NKAIN3: variants seen among roughly 807,000 people sequenced by gnomAD.
NKAIN3 encodes sodium/potassium transporting ATPase interacting 3, also known as sodium/potassium-transporting ATPase subunit beta-1-interacting protein 3.
NKAIN3 carries 25 observed loss-of-function variants against 30.2 expected under a neutral mutation model. The ratio of observed to expected loss-of-function variants is 0.83; its 90% confidence interval spans 0.60 to 1.16. NKAIN3 has a LOEUF of 1.16. Ranked by LOEUF, NKAIN3 falls within the 50% of genes most tolerant of loss-of-function variation. NKAIN3 has a pLI of 0.00. For synonymous variants in NKAIN3, 91 were observed against 89.6 expected, an observed-to-expected ratio of 1.02 and a Z score of -0.09; for missense variants, 225 against 254.1, an observed-to-expected ratio of 0.89 and a Z score of 0.78.
At chr8:62,763,344 G>A (rs1440534911) in intron 4 of NKAIN3, among the ~76,000 whole-genome samples, 1 of 151,046 alleles carries the variant, frequency 6.6e-6, no homozygotes, top group Non-Finnish European at 1.5e-5. Context: ...CTACTCCAGT[G>A]GTTCGGAATT....
chr8:62,481,816 G>T (rs1349299677), intron 1 of NKAIN3, among the ~76,000 whole-genome samples: 1 of 152,154 alleles, frequency 6.6e-6, no homozygotes, highest in Non-Finnish European at 1.5e-5. Context: ...TCCTATATTG[G>T]ATAGAAAATT....
At chr8:62,513,786 G>A (rs750031937) in intron 1 of NKAIN3, among the ~76,000 whole-genome samples, 1 of 133,994 alleles carries the variant, frequency 7.5e-6, no homozygotes, top group East Asian at 2.5e-4. Flanking sequence ...TGGGAGTATC[G>A]TTTGACCCCA....
At chr8:62,270,073 A>T (rs1368955003) in intron 1 of NKAIN3, among the ~76,000 whole-genome samples, 1 of 151,628 alleles carries the variant, frequency 6.6e-6, no homozygotes, top group African/African-American at 2.4e-5. Context: ...TTTGTAACTC[A>T]GATCACAGAG....
chr8:62,678,572 T>G (rs1813551310), intron 3 of NKAIN3, among the ~76,000 whole-genome samples: 4 of 151,972 alleles, frequency 2.6e-5, no homozygotes, highest in Admixed American at 2.6e-4. Context: ...GTCACCAAGA[T>G]GAATATTTTA....
chr8:62,665,939 G>A (rs1291307206), intron 3 of NKAIN3, among the ~76,000 whole-genome samples: 1 of 152,146 alleles, frequency 6.6e-6, no homozygotes, highest in East Asian at 1.9e-4. Flanking sequence ...AATTCGGCTG[G>A]GCACAATGGT....
At chr8:62,818,531 T>C (rs1818756921) in intron 4 of NKAIN3, among the ~76,000 whole-genome samples, 1 of 151,912 alleles carries the variant, frequency 6.6e-6, no homozygotes, top group Non-Finnish European at 1.5e-5. Flanking sequence ...TTTCCCAGTG[T>C]GATCTACCTT....
At chr8:62,855,319 C>A in intron 4 of NKAIN3, 1 of 573,718 alleles carries the variant, frequency 1.7e-6, no homozygotes. Context: ...CCTGGAAGTG[C>A]TCAGAGAGAA....
intron 3 of NKAIN3, among the ~76,000 whole-genome samples, chr8:62,729,278 G>C (rs1454051394): frequency 6.6e-6 from 1 of 152,110 alleles, no homozygotes; most frequent in African/African-American, 2.4e-5. Flanking sequence ...TATGCTCCAC[G>C]TAACAGTTCA....
chr8:62,291,174 C>T (rs956815475), intron 1 of NKAIN3, among the ~76,000 whole-genome samples: 1 of 152,088 alleles, frequency 6.6e-6, no homozygotes, highest in Non-Finnish European at 1.5e-5. Flanking sequence ...TTTTGTTGAT[C>T]TTTTCAAAAA....
chr8:62,787,772 A>T (rs1251646559), intron 4 of NKAIN3, among the ~76,000 whole-genome samples: 1 of 151,958 alleles, frequency 6.6e-6, no homozygotes, highest in African/African-American at 2.4e-5. Context: ...GAGTGAGAAC[A>T]TGTGGTGTTT....
chr8:62,252,457 G>A (rs890500016), intron 1 of NKAIN3, among the ~76,000 whole-genome samples: 3 of 152,148 alleles, frequency 2.0e-5, no homozygotes, highest in African/African-American at 7.2e-5. Context: ...TCCTTTTCAA[G>A]CTAGTATCTG....
chr8:62,618,146 G>A lies in NKAIN3; in HGVS notation c.273+28352G>A, dbSNP rs148375417. ...CATCTGCCAAGGGACCTTGCAGATC[G>A]TCATAGCTCAACTCACATTCCCCAT... is the stretch of plus-strand genomic sequence containing the variant. On this transcript the variant is annotated intron_variant, in intron 3 of 6. Coordinates refer to ENST00000623646, the MANE Select transcript of NKAIN3 (RefSeq NM_001304533.3). Among the ~76,000 whole-genome samples, 115 of 152,244 alleles carry A rather than the reference G, an allele frequency of 7.6e-4. 1 individual carries two copies. The Middle Eastern group carries it at 0.01, about 14-fold the overall frequency.
At chr8:62,385,688 A>C (rs531165761) in intron 1 of NKAIN3, among the ~76,000 whole-genome samples, 1 of 152,266 alleles carries the variant, frequency 6.6e-6, no homozygotes, top group South Asian at 2.1e-4. Context: ...CCATCTATAT[A>C]GTCAAACCCT....
intron 3 of NKAIN3, 23 bp downstream of exon 3, chr8:62,589,817 G>A: frequency 7.4e-7 from 1 of 1,346,132 alleles, no homozygotes; most frequent in Non-Finnish European, 1.1e-6. Flanking sequence ...TGCTTTTAAA[G>A]TACACTTTAA....
intron 1 of NKAIN3, among the ~76,000 whole-genome samples, chr8:62,436,248 A>G (rs541666395): frequency 6.6e-6 from 1 of 152,308 alleles, no homozygotes; most frequent in East Asian, 1.9e-4. Context: ...AGTTCTTTAA[A>G]TAAGTCTTCT....
At chr8:62,403,701 T>C (rs941082466) in intron 1 of NKAIN3, among the ~76,000 whole-genome samples, 1 of 152,190 alleles carries the variant, frequency 6.6e-6, no homozygotes, top group African/African-American at 2.4e-5. Flanking sequence ...CAGGCAGAAG[T>C]CTGCTGCAGG....
chr8:62,902,872 G>A (rs1353177280), intron 4 of NKAIN3, among the ~76,000 whole-genome samples: 1 of 152,084 alleles, frequency 6.6e-6, no homozygotes, highest in Non-Finnish European at 1.5e-5. Context: ...AAAATCTTAG[G>A]CAATGTTCTT....
chr8:62,540,457 A>T (rs933803784), intron 1 of NKAIN3, among the ~76,000 whole-genome samples: 6 of 152,198 alleles, frequency 3.9e-5, no homozygotes, highest in African/African-American at 1.4e-4. Context: ...AGTGTACTAC[A>T]TTTCCATTCT....
At chr8:62,657,325 TG>T (rs762541962) in intron 3 of NKAIN3, among the ~76,000 whole-genome samples, 2 of 152,190 alleles carry the variant, frequency 1.3e-5, no homozygotes, top group African/African-American at 2.4e-5. Context: ...ATAGACTGGT[TG>T]GTCAATACTC....
Sources: allele counts gnomAD v4.1 joint callset (sites outside exome capture counted in the v4.1 genomes callset), GRCh38; gene constraint gnomAD v4.1.1; transcripts MANE v1.5; gene names NCBI Gene and HGNC (gene_info 2026-07-23, HGNC 2026-07-21).